Variants in ADAMTS7 observed in about 807,000 individuals in gnomAD.
ADAMTS7 encodes A disintegrin and metalloproteinase with thrombospondin motifs 7.
A neutral mutation model predicts 172.6 loss-of-function variants in ADAMTS7; 89 were observed. The ratio of observed to expected loss-of-function variants is 0.52; its 90% CI spans 0.43 to 0.61. ADAMTS7 has a LOEUF of 0.61. Among genes scored for constraint, ADAMTS7 ranks in the 20% least tolerant of loss-of-function variants. The pLI is 0.00. For missense variants in ADAMTS7, 1,973 were observed against 2,355.6 expected (o/e 0.84, Z 3.36); for synonymous variants, 885 against 978.4 (o/e 0.90, Z 1.78).
chr15:78,776,612 G>C, intron 10 of ADAMTS7, 137 bp downstream of exon 10: 1 of 979,240 alleles, frequency 1.0e-6, no homozygotes. Flanking sequence ...TGCAGATGGG[G>C]GCTTGGGCTG....
Position 78,771,325 on chromosome 15 carries a change from C to CA in ADAMTS7, c.2377-23dup. ...GCAGCTGGGTGGGCAGGCGGGGGCC[C>CA]ATGAGCACAAGGTGTCTTCTCCATC... On this transcript the variant is annotated intron_variant, in intron 15 of 23. Coordinates refer to ENST00000388820, the MANE Select transcript of ADAMTS7 (RefSeq NM_014272.5). This position sits in a 1 kb window ranked among gnomAD's most constrained non-coding sequence, Gnocchi z 4.9. 6.2e-7 allele frequency: 1 copy of CA among 1,611,634 alleles called. No individual in the cohort carries two copies. Among genetic ancestry groups the CA allele is most frequent in the Non-Finnish European group, 8.5e-7 (1 of 1,178,570 alleles).
chr15:78,779,517 C>A (rs571283112), intron 8 of ADAMTS7, among the ~76,000 whole-genome samples: 1 of 152,190 alleles, frequency 6.6e-6, no homozygotes. Flanking sequence ...CTTCACCCCA[C>A]ATACAAGTTC....
At chr15:78,760,876 G>T (rs926331565) in intron 23 of ADAMTS7, among the ~76,000 whole-genome samples, 3 of 152,018 alleles carry the variant, frequency 2.0e-5, no homozygotes, top group Admixed American at 6.6e-5. Flanking sequence ...GCCCCTGGGA[G>T]ACCTTGCAAG....
chr15:78,799,072 G>A, intron 2 of ADAMTS7, among the ~76,000 whole-genome samples: 1 of 150,190 alleles, frequency 6.7e-6, no homozygotes, highest in South Asian at 2.1e-4. Context: ...GGCTCAACAA[G>A]ATCAATTGTA....
intron 8 of ADAMTS7, among the ~76,000 whole-genome samples, chr15:78,780,560 C>G (rs1274980188): frequency 6.6e-6 from 1 of 151,626 alleles, no homozygotes; most frequent in Non-Finnish European, 1.5e-5. Flanking sequence ...CAAGTTGACA[C>G]TGGTGAAATG....
At chr15:78,804,233 T>C (rs1367544238) in intron 1 of ADAMTS7, among the ~76,000 whole-genome samples, 1 of 152,232 alleles carries the variant, frequency 6.6e-6, no homozygotes, top group African/African-American at 2.4e-5. Flanking sequence ...CCATCATTAA[T>C]GTGAAAGAGT....
rs369768558 is a variant in ADAMTS7 at position 78,779,774 on chromosome 15, T to A, written c.1323-2186A>T. Among the ~76,000 whole-genome samples, 10 of 152,230 alleles carry A rather than the reference T, an allele frequency of 6.6e-5. No homozygotes were observed. The East Asian group carries it at 1.7e-3, about 27-fold the overall frequency. On this transcript the variant is annotated intron_variant, in intron 8 of 23. Transcript: ENST00000388820. ...GGGCTGAGGGGTCCAATGCACCTCA[T>A]CCCAGCACCAACAGTCCCTGGGCTG...
At chr15:78,795,241 C>T (rs2055627803) in intron 4 of ADAMTS7, among the ~76,000 whole-genome samples, 1 of 152,334 alleles carries the variant, frequency 6.6e-6, no homozygotes, top group Admixed American at 6.5e-5. Context: ...TGCTGTCCAG[C>T]AATAGCCCTG....
rs777598557 is a variant in ADAMTS7, at chr15:78,774,785, T to C, written c.1715A>G (p.Tyr572Cys). Residue 572 changes from tyrosine (Y) to cysteine (C), a missense_variant, in exon 12 of 24, where the codon TAC (tyrosine) becomes TGC (cysteine). Physicochemically the swap from Tyr to Cys is radical, Grantham distance 194. This residue lies in a region of ADAMTS7 where 526 missense variants were observed against 662.9 expected (regional missense o/e 0.79). Transcript: ENST00000388820. ...ERQCTQPTPK[Y>C]KGRYCVGERK... ...CTCACCCACACAGTATCTGCCTTTG[T>C]ATTTGGGCCTGTGGGGAGAACCGGG... 1 of 1,598,530 alleles carries C rather than the reference T, an allele frequency of 6.3e-7. No individual in the cohort carries two copies. The highest frequency in any genetic ancestry group is 1.1e-5 in the South Asian group (1 of 89,972).
In ADAMTS7 at chr15:78,766,928, G is replaced by A. The variant is rs145692569; in HGVS notation, c.2983C>T (p.Arg995Trp). The change falls in exon 19 of 24, where the codon CGG (arginine) becomes TGG (tryptophan). Residue 995 changes from arginine to tryptophan, a missense_variant. This residue lies in a region of ADAMTS7 where 771 missense variants were observed against 952.6 expected (regional missense o/e 0.81). Coordinates refer to ENST00000388820, the MANE Select transcript of ADAMTS7 (RefSeq NM_014272.5). ...SEVTCSLPLC[R>W]WPLGTLGPEG... ...GGGCCCAGTGTGCCCAGGGGCCACC[G>A]ACAGAGTGGCAGAGAGCAGGTGACT... 834 of 1,610,458 alleles carry A rather than the reference G, an allele frequency of 5.2e-4. 5 individuals are homozygous for A. In the African/African-American group the frequency reaches 7.5e-3, roughly 14 times the overall value.
chr15:78,775,695 C>T (rs1179748173), intron 11 of ADAMTS7, among the ~76,000 whole-genome samples: 1 of 152,214 alleles, frequency 6.6e-6, no homozygotes, highest in African/African-American at 2.4e-5. Context: ...GCCACCAAGC[C>T]CCTCCCGCTG....
At position 78,767,454 on chromosome 15, in the gene ADAMTS7, G is replaced by A. The variant is rs2055175113; in HGVS notation, c.2784C>T (p.Pro928=). ...TGCAAGGGGTTTCAGTAGGGGGCCGGGGAAGGTGTTCACAGGCGGGTGGCT... is the reference window on the plus strand; with the variant it reads ...TGCAAGGGGTTTCAGTAGGGGGCCGAGGAAGGTGTTCACAGGCGGGTGGCT... ...ALEPPACEHL[P]RPPTETPCNR... is the part of the protein sequence containing the mutation. The change falls in exon 18 of 24, where the codon CCC becomes CCT. Residue 928 remains proline, a synonymous_variant. Coordinates refer to ENST00000388820, the MANE Select transcript of ADAMTS7 (RefSeq NM_014272.5). 6.2e-7 allele frequency: 1 copy of A among 1,611,698 alleles called. No homozygotes were observed. Among genetic ancestry groups the A allele is most frequent in the Non-Finnish European group, 8.5e-7 (1 of 1,179,818 alleles).
intron 8 of ADAMTS7, among the ~76,000 whole-genome samples, chr15:78,778,131 G>C (rs2055379018): frequency 6.6e-6 from 1 of 152,214 alleles, no homozygotes; most frequent in Admixed American, 6.5e-5. Context: ...ACCCCGACAG[G>C]GCTGGCCTCC....
In ADAMTS7 at chr15:78,766,396, G is replaced by C. The variant is rs1157582765; in HGVS notation, c.3515C>G (p.Pro1172Arg). The change falls in exon 19 of 24, where the codon CCC becomes CGC. Residue 1172 changes from proline to arginine, a missense_variant. Coordinates refer to ENST00000388820, the MANE Select transcript of ADAMTS7 (RefSeq NM_014272.5). ...GGAAACCCTGGGCCAGGACAGGCTG[G>C]GGAGCCCAAGATCTGGGGCCCCTAT... is the stretch of plus-strand genomic sequence containing the variant. ...TPIGAPDLGL[P>R]SLSWPRVSTD... 1 of 1,607,088 alleles carries C rather than the reference G, an allele frequency of 6.2e-7. No individual in the cohort carries two copies. Among genetic ancestry groups the C allele is most frequent in the South Asian group, 1.1e-5 (1 of 90,556 alleles).
In ADAMTS7 at chr15:78,774,166, C is replaced by T. The variant is rs1177605559; in HGVS notation, c.2010+1G>A. 9.4e-6 allele frequency: 15 copies of T among 1,592,062 alleles called. No homozygotes were observed. Among genetic ancestry groups the T allele is most frequent in the Non-Finnish European group, 1.3e-5 (15 of 1,177,760 alleles). Reference sequence around the variant, plus strand: ...GAGAGCCTCTTCCTAACCAGGCACACCTTACAGATGCCGTTGATGCAGAGG... The same window carrying T: ...GAGAGCCTCTTCCTAACCAGGCACATCTTACAGATGCCGTTGATGCAGAGG... On this transcript the variant is annotated splice_donor_variant, in intron 13 of 23. Coordinates refer to ENST00000388820, the MANE Select transcript of ADAMTS7 (RefSeq NM_014272.5). LOFTEE classifies it high-confidence loss of function.
intron 11 of ADAMTS7, among the ~76,000 whole-genome samples, chr15:78,775,928 T>G (rs1432371375): frequency 6.6e-6 from 1 of 152,206 alleles, no homozygotes; most frequent in Non-Finnish European, 1.5e-5. Flanking sequence ...AGCAGCTGCT[T>G]TGCCATGTGG....
At chr15:78,760,444 C>T (rs544042189) in intron 23 of ADAMTS7, among the ~76,000 whole-genome samples, 48 of 152,192 alleles carry the variant, frequency 3.2e-4, no homozygotes, top group East Asian at 2.3e-3. Context: ...GGGACATCCC[C>T]CAGGCCCGGC....
chr15:78,800,763 T>C (rs1457919396), intron 1 of ADAMTS7, among the ~76,000 whole-genome samples: 1 of 152,182 alleles, frequency 6.6e-6, no homozygotes, highest in Non-Finnish European at 1.5e-5. Context: ...GTTGTTATTG[T>C]TGTGTTTTGG....
At chr15:78,768,415 CGTCGCCTCCTCACT>C (rs1266635825) in intron 16 of ADAMTS7, among the ~76,000 whole-genome samples, 156 bp from the exon 17 acceptor site, 5 of 152,188 alleles carry the variant, frequency 3.3e-5, no homozygotes, top group Non-Finnish European at 7.4e-5. Flanking sequence ...AGACCTCCAC[CGTCGCCTCCTCACT>C]GTCCTCCTGG....
Sources: gnomAD v4.1 joint callset for allele counts (sites outside exome capture counted in the v4.1 genomes callset) on GRCh38, gnomAD v4.1.1 for gene constraint, gnomAD v4.1.1 regional missense constraint, Gnocchi (gnomAD v3.1) non-coding constraint, MANE v1.5 for transcripts, NCBI Gene and HGNC (gene_info 2026-07-23, HGNC 2026-07-21) for gene names.